Variants in ZNF160 observed in about 807,000 individuals in gnomAD.
The protein encoded by ZNF160 is KRAB zinc finger protein KR18.
A neutral mutation model predicts 13.1 loss-of-function variants in ZNF160; 9 were observed. The ratio of observed to expected loss-of-function variants is 0.69; its 90% CI spans 0.41 to 1.20. The LOEUF (loss-of-function observed/expected upper bound fraction) is 1.20, where lower values mean the gene tolerates loss of function less well. ZNF160 is among the 50% of genes most tolerant of loss of function. The pLI is 0.01. For missense variants in ZNF160, 838 were observed against 988.0 expected, an observed-to-expected ratio of 0.85 and a Z score of 2.04; for synonymous variants, 293 against 333.2, an observed-to-expected ratio of 0.88 and a Z score of 1.31.
At chr19:53,092,796 T>C (rs935783624) in intron 1 of ZNF160, among the ~76,000 whole-genome samples, 1 of 152,346 alleles carries the variant, frequency 6.6e-6, no homozygotes, top group South Asian at 2.1e-4. Flanking sequence ...GGTGATTAAT[T>C]GAAAATACAA....
chr19:53,073,587 G>A, intron 5 of ZNF160: 1 of 1,460,444 alleles, frequency 6.8e-7, no homozygotes, highest in Non-Finnish European at 9.0e-7. Context: ...CTTCCCCTCT[G>A]ACCCATATGG....
chr19:53,088,811 G>A (rs996319477), intron 2 of ZNF160, among the ~76,000 whole-genome samples: 7 of 152,086 alleles, frequency 4.6e-5, no homozygotes, highest in Non-Finnish European at 8.8e-5. Context: ...CAGACTCCCA[G>A]GTAGGGAGTC....
At chr19:53,089,129 T>A (rs1426426214) in intron 2 of ZNF160, among the ~76,000 whole-genome samples, 2 of 152,326 alleles carry the variant, frequency 1.3e-5, no homozygotes, top group East Asian at 3.9e-4. Flanking sequence ...GAATCCCCAA[T>A]TTACAGTTGG....
chr19:53,075,034 T>C, intron 4 of ZNF160, 23 bp downstream of exon 4: 1 of 1,613,958 alleles, frequency 6.2e-7, no homozygotes, highest in Non-Finnish European at 8.5e-7. Flanking sequence ...AGATCTTGAC[T>C]TCTGGAAGAA....
Position 53,067,938 on chromosome 19 carries a change from C to A in ZNF160, c.*139G>T. Reference sequence around the variant, plus strand: ...TGCCACATATGTTTACATGATGTCTCTTGCTTATGGCCTCTCATATCTATT... The same window carrying A: ...TGCCACATATGTTTACATGATGTCTATTGCTTATGGCCTCTCATATCTATT... On this transcript the variant is annotated 3_prime_UTR_variant, in exon 6 of 6. Transcript: ENST00000683776. 1 of 1,226,864 alleles carries A rather than the reference C, an allele frequency of 8.2e-7. No homozygotes were observed. The highest frequency in any genetic ancestry group is 1.6e-5 in the South Asian group (1 of 61,804). The allele number at this position is 1,226,864 out of a possible 1,614,324, so 76.0% of individuals were successfully genotyped here. A position where few individuals can be genotyped will look rare whatever the true frequency, so the allele number is the denominator to read the frequency against.
In ZNF160 at chr19:53,069,969, G is replaced by C. The variant is rs777720912; in HGVS notation, c.565C>G (p.Leu189Val). The change falls in exon 6 of 6, where the codon CTG becomes GTG. Residue 189 changes from leucine to valine, a missense_variant. Physicochemically the swap from Leu to Val is conservative, Grantham distance 32. This residue lies in a region of ZNF160 where 387 missense variants were observed against 402.3 expected (regional missense o/e 0.96). Transcript: ENST00000683776. This position sits in a 1 kb window ranked among gnomAD's most constrained non-coding sequence, Gnocchi z 4.4. ...CCTTGAAATAGCTGCAGTTCAGGCAGATGAGAATGAAAGCTTACTCCAAGC... is the reference window on the plus strand; with the variant it reads ...CCTTGAAATAGCTGCAGTTCAGGCACATGAGAATGAAAGCTTACTCCAAGC... The part of the protein sequence containing the change: ...NQLGVSFHSH[L>V]PELQLFQGEG... 81 of 1,614,032 alleles carry C rather than the reference G, an allele frequency of 5.0e-5. No homozygotes were observed. The highest frequency in any genetic ancestry group is 6.6e-5 in the Non-Finnish European group (78 of 1,180,032).
At chr19:53,080,611 T>C (rs2084595094) in intron 3 of ZNF160, among the ~76,000 whole-genome samples, 1 of 152,168 alleles carries the variant, frequency 6.6e-6, no homozygotes. Context: ...TGCTCATGGG[T>C]TGAAAGAATC....
intron 3 of ZNF160, chr19:53,085,796 T>C (rs329719): frequency 0.87 from 393,852 of 451,120 alleles, 172,499 homozygotes; most frequent in Middle Eastern, 0.92. Context: ...GAGTCGGAAA[T>C]CCAATGACTC....
In ZNF160 at chr19:53,074,225, T is replaced by C; in HGVS notation, c.186A>G (p.Glu62=). Residue 62 remains glutamate, a synonymous_variant, in exon 5 of 6, where the codon GAA becomes GAG. Transcript: ENST00000683776. ...FDMNIISMLE[E]GKEPWTVKSC... Reference sequence around the variant, plus strand: ...TCTTCACAGTCCAGGGCTCTTTCCCTTCCTCCAACATGGAGATAATATTCA... The same window carrying C: ...TCTTCACAGTCCAGGGCTCTTTCCCCTCCTCCAACATGGAGATAATATTCA... 1 of 1,614,130 alleles carries C rather than the reference T, an allele frequency of 6.2e-7. No individual in the cohort carries two copies. Among genetic ancestry groups the C allele is most frequent in the Non-Finnish European group, 8.5e-7 (1 of 1,180,010 alleles).
chr19:53,103,043 G>A (rs1170509206), intron 1 of ZNF160, among the ~76,000 whole-genome samples: 2 of 152,188 alleles, frequency 1.3e-5, no homozygotes, highest in Non-Finnish European at 2.9e-5. Flanking sequence ...AGCGAGGCTG[G>A]GAGGCGCCCA....
intron 1 of ZNF160, among the ~76,000 whole-genome samples, chr19:53,097,753 G>A (rs185680191): frequency 5.5e-4 from 84 of 152,262 alleles, no homozygotes; most frequent in Admixed American, 1.7e-3. Flanking sequence ...AAAATACCCC[G>A]AATGCCAAAG....
At chr19:53,091,206 T>C (rs960680930) in intron 2 of ZNF160, 1 of 152,040 alleles carries the variant, frequency 6.6e-6, no homozygotes, top group Non-Finnish European at 1.5e-5. Flanking sequence ...TAAAAAAAAT[T>C]ATTTAAACGT....
intron 2 of ZNF160, among the ~76,000 whole-genome samples, chr19:53,086,949 T>C (rs1298496232): frequency 6.6e-6 from 1 of 152,154 alleles, no homozygotes; most frequent in African/African-American, 2.4e-5. Context: ...AGACTGGATA[T>C]TGAAGGAGCA....
intron 1 of ZNF160, among the ~76,000 whole-genome samples, chr19:53,092,609 G>A (rs1186883950): frequency 6.6e-6 from 1 of 152,102 alleles, no homozygotes. Flanking sequence ...CTACCATGCT[G>A]GCTGGATATT....
rs1391898345 is a variant in ZNF160 at position 53,074,056 on chromosome 19, T to C, written c.271+84A>G. ...CTGCCCACCTTGGCCTCCCTAAGTG[T>C]TGAGATTACAGGCGTGAGCTACTGT... On this transcript the variant is annotated intron_variant, in intron 5 of 5. Transcript: ENST00000683776. 27 of 1,398,468 alleles carry C rather than the reference T, an allele frequency of 1.9e-5. No homozygotes were observed. In the Admixed American group the frequency reaches 4.5e-4, roughly 23 times the overall value. The allele number at this position is 1,398,468 out of a possible 1,614,324, so 86.6% of individuals were successfully genotyped here.
chr19:53,088,519 TAAA>T lies in ZNF160; in HGVS notation c.-45-2201_-45-2199del, dbSNP rs1031584973. On this transcript the variant is annotated intron_variant, in intron 2 of 5. Coordinates refer to ENST00000683776, the MANE Select transcript of ZNF160 (RefSeq NM_001322131.2). ...AAGATCCTGTCTCTATATTTTTATT[TAAA>T]AAAAAAAAAAGAATTGAAGACAAAG... 2.4e-4 allele frequency among the ~76,000 whole-genome samples: 35 copies of T among 143,644 alleles called. No homozygotes were observed. In the East Asian group the frequency reaches 6.8e-3, roughly 28 times the overall value. The allele number at this position is 143,644 out of a possible 152,430, so 94.2% of individuals were successfully genotyped here.
chr19:53,073,273 A>G (rs1173551745), intron 5 of ZNF160: 2 of 1,544,138 alleles, frequency 1.3e-6, no homozygotes, highest in East Asian at 4.5e-5. Flanking sequence ...CACCCCATGT[A>G]AGACTGAGGA....
intron 3 of ZNF160, among the ~76,000 whole-genome samples, chr19:53,077,583 C>T (rs907410399): frequency 5.3e-5 from 8 of 149,844 alleles, no homozygotes; most frequent in Non-Finnish European, 1.2e-4. Context: ...GACAGAGAAT[C>T]GCTTGAACCC....
At chr19:53,096,206 G>A (rs1211572747) in intron 1 of ZNF160, among the ~76,000 whole-genome samples, 1 of 152,210 alleles carries the variant, frequency 6.6e-6, no homozygotes, top group East Asian at 1.9e-4. Context: ...GAGACAGAAC[G>A]AGACTCCGTC....
Sources: allele counts gnomAD v4.1 joint callset (sites outside exome capture counted in the v4.1 genomes callset), GRCh38; gene constraint gnomAD v4.1.1; regional missense constraint gnomAD v4.1.1; non-coding constraint Gnocchi (gnomAD v3.1); transcripts MANE v1.5; gene names NCBI Gene and HGNC (gene_info 2026-07-23, HGNC 2026-07-21).